The following RNF212 variants were observed in gnomAD, a reference collection of about 807,000 sequenced individuals.
The protein encoded by RNF212 is probable E3 SUMO-protein ligase RNF212.
Under a neutral mutation model 34.7 loss-of-function variants are expected in RNF212, and 33 were observed. That is an observed-to-expected ratio of 0.95 (90% CI 0.72 to 1.27). The LOEUF is 1.27. RNF212 is among the 50% of genes most tolerant of loss of function. The pLI, the probability that RNF212 is intolerant of heterozygous loss-of-function variation, is 0.00. For missense variants in RNF212, 377 were observed against 362.2 expected (o/e 1.04, Z -0.33); for synonymous variants, 140 against 136.1 (o/e 1.03, Z -0.20).
chr4:1,093,873 G>T (rs1722609936), intron 3 of RNF212: 1 of 1,536,154 alleles, frequency 6.5e-7, no homozygotes, highest in Non-Finnish European at 8.7e-7. Context: ...CCTGGTCTGG[G>T]TGCCCGTGTT....
intron 1 of RNF212, among the ~76,000 whole-genome samples, chr4:1,111,418 C>A (rs954141230): frequency 6.6e-6 from 1 of 152,156 alleles, no homozygotes; most frequent in Admixed American, 6.5e-5. Flanking sequence ...GGATACAGGC[C>A]GTGTCCAGAC....
chr4:1,100,665 T>C (rs1723831995), intron 2 of RNF212: 1 of 152,224 alleles, frequency 6.6e-6, no homozygotes, highest in Non-Finnish European at 1.5e-5. Flanking sequence ...CGCCTCGGCT[T>C]TGCAAAGTGC....
intron 3 of RNF212, among the ~76,000 whole-genome samples, chr4:1,064,241 G>A (rs970529391): frequency 1.3e-5 from 2 of 152,202 alleles, no homozygotes; most frequent in Non-Finnish European, 2.9e-5. Context: ...GACAAAGCAG[G>A]TGGGAGGAAG....
intron 8 of RNF212, among the ~76,000 whole-genome samples, chr4:1,077,894 G>A (rs1232698911): frequency 1.3e-5 from 2 of 152,204 alleles, no homozygotes; most frequent in Admixed American, 1.3e-4. Context: ...TTGCCGGTGG[G>A]TGTGGGCGTG....
chr4:1,111,067 T>C (rs778576502), intron 1 of RNF212, among the ~76,000 whole-genome samples: 39 of 152,204 alleles, frequency 2.6e-4, no homozygotes, highest in Non-Finnish European at 1.3e-4. Context: ...CCATCATTCC[T>C]AACAATGTTA....
At chr4:1,079,611 A>T in intron 8 of RNF212, 32 bp downstream of exon 8, 1 of 1,485,672 alleles carries the variant, frequency 6.7e-7, no homozygotes, top group Non-Finnish European at 9.4e-7. Context: ...CGTCTGGTAT[A>T]CAGAGGAACT....
At chr4:1,093,307 G>A (rs1031849708) in intron 3 of RNF212, 5 of 933,468 alleles carry the variant, frequency 5.4e-6, no homozygotes, top group East Asian at 3.0e-5. Context: ...TTAAGACTGA[G>A]ACAAATCTAA....
At chr4:1,078,605 C>T (rs1434668553) in intron 8 of RNF212, among the ~76,000 whole-genome samples, 2 of 152,228 alleles carry the variant, frequency 1.3e-5, no homozygotes, top group Non-Finnish European at 2.9e-5. Flanking sequence ...TCTTCTTCAG[C>T]ACTGTTTGTC....
chr4:1,108,867 T>C (rs1456160361), intron 1 of RNF212, among the ~76,000 whole-genome samples: 1 of 152,036 alleles, frequency 6.6e-6, no homozygotes, highest in East Asian at 1.9e-4. Flanking sequence ...AGCCAGATAA[T>C]TTTTAAATTT....
In RNF212 at chr4:1,073,198, G is replaced by C. The variant is rs750268190; in HGVS notation, c.575-5C>G. ...AAGAAGCTGTTAGATGTGGCCCTGCGGGAAGATGCAGGAGACAGCGTGTGG... is the reference window on the plus strand; with the variant it reads ...AAGAAGCTGTTAGATGTGGCCCTGCCGGAAGATGCAGGAGACAGCGTGTGG... On this transcript the variant is annotated splice_region_variant and splice_polypyrimidine_tract_variant and intron_variant, in intron 9 of 9. Coordinates refer to ENST00000433731, the MANE Select transcript of RNF212 (RefSeq NM_001131034.4). The C allele has an allele frequency of 1.4e-5, 22 of 1,613,118 alleles. No homozygotes were observed. The highest frequency in any genetic ancestry group is 1.9e-5 in the Non-Finnish European group (22 of 1,179,354).
At chr4:1,101,277 T>G (rs1723943900) in intron 2 of RNF212, 2 of 332,190 alleles carry the variant, frequency 6.0e-6, no homozygotes, top group Non-Finnish European at 1.2e-5. Context: ...TTTTGTCCCT[T>G]TCACTGATTT....
downstream of RNF212, among the ~76,000 whole-genome samples, chr4:1,068,384 C>T (rs143834997): frequency 1.7e-3 from 265 of 152,276 alleles, 2 homozygotes; most frequent in African/African-American, 6.0e-3. Flanking sequence ...TGCTTTACAA[C>T]GTCATGTAAA....
chr4:1,070,023 G>C (rs867305212), downstream of RNF212, among the ~76,000 whole-genome samples: 3 of 151,480 alleles, frequency 2.0e-5, no homozygotes, highest in South Asian at 2.1e-4. Context: ...CGCCTGGCCT[G>C]AGTTACAGGT....
intron 1 of RNF212, among the ~76,000 whole-genome samples, chr4:1,111,858 G>C (rs1282576518): frequency 6.6e-6 from 1 of 152,202 alleles, no homozygotes; most frequent in East Asian, 1.9e-4. Flanking sequence ...CAGTGGAAAC[G>C]ATGAGTAACT....
rs755167651 is a variant in RNF212, at chr4:1,072,932, GT to G, written c.835del (p.Thr279HisfsTer27). 2.2e-5 allele frequency: 36 copies of G among 1,613,796 alleles called. No individual in the cohort carries two copies. The highest frequency in any genetic ancestry group is 3.1e-5 in the Non-Finnish European group (36 of 1,179,822). On this transcript the variant is annotated frameshift_variant, in exon 10 of 10. Coordinates refer to ENST00000433731, the MANE Select transcript of RNF212 (RefSeq NM_001131034.4). LOFTEE classifies it low-confidence loss of function (END_TRUNC). ...AGGAAACACAACAGACACAGCGGGT[GT>G]TCTGAACGTGTCCAGGGTGCCCTCA... ...QAEGTLDTFR[T>X]PAVSVVFPLC... is the part of the protein sequence containing the mutation.
chr4:1,081,979 G>A (rs913355703), intron 5 of RNF212: 1 of 306,898 alleles, frequency 3.3e-6, no homozygotes, highest in African/African-American at 2.2e-5. Flanking sequence ...GGCCAGCCAT[G>A]GTGCCTCATG....
rs1718618698 is a variant in RNF212, at chr4:1,072,544, T to C, written c.*330A>G. On this transcript the variant is annotated 3_prime_UTR_variant, in exon 10 of 10. Coordinates refer to ENST00000433731, the MANE Select transcript of RNF212 (RefSeq NM_001131034.4). ...AAATCTGTACCTTCCTTTCAATTTT[T>C]CTGTGAACCTAAAACTGCTCTAAGA... is the stretch of plus-strand genomic sequence containing the variant. 4.5e-6 allele frequency: 2 copies of C among 446,618 alleles called. No individual in the cohort carries two copies. The highest frequency in any genetic ancestry group is 2.2e-5 in the African/African-American group (1 of 46,318). The allele number at this position is 446,618 out of a possible 1,614,324, so 27.7% of individuals were successfully genotyped here.
rs570662070 is a variant in RNF212 at position 1,083,028 on chromosome 4, G to A, written c.363-1409C>T. Among the ~76,000 whole-genome samples the A allele has an allele frequency of 2.8e-3, 430 of 152,332 alleles. 2 individuals are homozygous for A. Among genetic ancestry groups the A allele is most frequent in the Admixed American group, 4.8e-3 (73 of 15,310 alleles). ...GGCAAGACGGGGTCGGGGGCGCAGC[G>A]GTCTGGGGCGGGTCAGCTGGGCTGG... On this transcript the variant is annotated intron_variant, in intron 5 of 9. Coordinates refer to ENST00000433731, the MANE Select transcript of RNF212 (RefSeq NM_001131034.4).
At chr4:1,091,070 C>A (rs966836185) in intron 3 of RNF212, among the ~76,000 whole-genome samples, 1 of 152,236 alleles carries the variant, frequency 6.6e-6, no homozygotes, top group Non-Finnish European at 1.5e-5. Flanking sequence ...CAACCTGCTC[C>A]ATTCAAGTTG....
Sources: allele counts gnomAD v4.1 joint callset (sites outside exome capture counted in the v4.1 genomes callset), GRCh38; gene constraint gnomAD v4.1.1; transcripts MANE v1.5; gene names NCBI Gene and HGNC (gene_info 2026-07-23, HGNC 2026-07-21).